Variants in COMMD7 observed in about 807,000 individuals in gnomAD.
COMMD7 encodes COMM domain-containing protein 7.
COMMD7 carries 28 observed loss-of-function variants against 34.8 expected under a neutral mutation model. That is an observed-to-expected ratio of 0.80 (90% CI 0.60 to 1.10). The LOEUF is 1.10. Ranked by LOEUF, COMMD7 falls within the 50% of genes least tolerant of loss-of-function variation. The probability of loss-of-function intolerance (pLI) is 0.00; values close to 1 mark genes in which losing one functional copy is unlikely to be tolerated. For synonymous variants in COMMD7, 80 were observed against 86.4 expected (o/e 0.93, Z 0.41); for missense variants, 211 against 241.6 (o/e 0.87, Z 0.84).
chr20:32,725,529 C>T lies in COMMD7; in HGVS notation c.241+2364G>A, dbSNP rs557967943. Reference sequence around the variant, plus strand: ...CTGCAAACTCCGCCTCCCGGGATCACGCCATTCTCCTGCCTCAGCCTCCTG... The same window carrying T: ...CTGCAAACTCCGCCTCCCGGGATCATGCCATTCTCCTGCCTCAGCCTCCTG... On this transcript the variant is annotated intron_variant, in intron 3 of 8. Transcript: ENST00000278980. Among the ~76,000 whole-genome samples, 4 of 150,718 alleles carry T rather than the reference C, an allele frequency of 2.7e-5. No individual in the cohort carries two copies. In the East Asian group the frequency reaches 5.9e-4, roughly 22 times the overall value.
chr20:32,711,733 T>G (rs986300855), intron 3 of COMMD7, among the ~76,000 whole-genome samples: 2 of 150,940 alleles, frequency 1.3e-5, no homozygotes, highest in African/African-American at 4.9e-5. Context: ...CTTTTTCCTG[T>G]GGTGATTCCT....
intron 3 of COMMD7, among the ~76,000 whole-genome samples, chr20:32,713,578 T>G (rs1455535207): frequency 6.6e-6 from 1 of 152,196 alleles, no homozygotes; most frequent in East Asian, 1.9e-4. Flanking sequence ...GAGAGCTGCT[T>G]TCATCCAGTC....
At chr20:32,707,621 A>T (rs1355762585) in intron 3 of COMMD7, among the ~76,000 whole-genome samples, 1 of 151,646 alleles carries the variant, frequency 6.6e-6, no homozygotes, top group Non-Finnish European at 1.5e-5. Flanking sequence ...CATGCCTGGC[A>T]CATATTTTTT....
chr20:32,711,415 T>TAA (rs76264991), intron 3 of COMMD7, among the ~76,000 whole-genome samples: 1 of 123,992 alleles, frequency 8.1e-6, no homozygotes. Flanking sequence ...AAATGTTACT[T>TAA]AAAAAAAAAA....
chr20:32,717,460 G>C (rs993793154), intron 3 of COMMD7, among the ~76,000 whole-genome samples: 2 of 151,940 alleles, frequency 1.3e-5, no homozygotes, highest in African/African-American at 4.8e-5. Flanking sequence ...CAAGTAGCTG[G>C]GATTACAGGC....
rs762939645 is a variant in COMMD7, at chr20:32,704,509, AAAG to A, written c.428-23_428-21del. On this transcript the variant is annotated intron_variant, in intron 6 of 8. Coordinates refer to ENST00000278980, the MANE Select transcript of COMMD7 (RefSeq NM_053041.3). ...ATGTCACTGTGACAAAAAAAAAAAAAAAGAGAGAGAGAGAGAGAAATAACAAGT... is the reference window on the plus strand; with the variant it reads ...ATGTCACTGTGACAAAAAAAAAAAAAAGAGAGAGAGAGAGAAATAACAAGT... 119 of 1,464,108 alleles carry A rather than the reference AAAG, an allele frequency of 8.1e-5. No homozygotes were observed. The highest frequency in any genetic ancestry group is 6.7e-4 in the African/African-American group (47 of 70,214). The allele number at this position is 1,464,108 out of a possible 1,614,324, so 90.7% of individuals were successfully genotyped here. A position where few individuals can be genotyped will look rare whatever the true frequency, so the allele number is the denominator to read the frequency against.
chr20:32,735,506 A>G (rs565419487), intron 1 of COMMD7, among the ~76,000 whole-genome samples: 1 of 152,052 alleles, frequency 6.6e-6, no homozygotes, highest in African/African-American at 2.4e-5. Flanking sequence ...TAGTGGAGAC[A>G]GGGTTTCACC....
Position 32,704,842 on chromosome 20 carries a change from C to T in COMMD7, c.399G>A (p.Gln133=). The T allele has an allele frequency of 6.2e-7, 1 of 1,613,988 alleles. No homozygotes were observed. The part of the protein sequence containing the change: ...WAIGQTLMIN[Q]LIDMEWKFGV... ...CAAATTTCCACTCCATATCTATGAG[C>T]TGGTTAATCATCAGAGTCTGACCTA... Residue 133 remains glutamine (Q), a synonymous_variant, in exon 6 of 9, where the codon CAG becomes CAA. Transcript: ENST00000278980.
chr20:32,743,238 C>CCCCCCCCCCCCCCG, intron 1 of COMMD7, 70 bp downstream of exon 1: 1 of 446,626 alleles, frequency 2.2e-6, no homozygotes. Flanking sequence ...CCCCGGACGT[C>CCCCCCCCCCCCCCG]CCCCCCACCC....
chr20:32,718,591 T>G (rs1984956398), intron 3 of COMMD7, among the ~76,000 whole-genome samples: 2 of 151,730 alleles, frequency 1.3e-5, no homozygotes, highest in Non-Finnish European at 2.9e-5. Context: ...CCCAGCTACT[T>G]GGGAGGCTGA....
intron 1 of COMMD7, among the ~76,000 whole-genome samples, chr20:32,739,451 C>A (rs59879609): frequency 0.18 from 27,490 of 151,720 alleles, 3,152 homozygotes; most frequent in Non-Finnish European, 0.26. Context: ...AAAGACCATC[C>A]TCACTAAAGC....
chr20:32,728,091 C>G lies in COMMD7; in HGVS notation c.136G>C (p.Glu46Gln). 1 of 1,614,084 alleles carries G rather than the reference C, an allele frequency of 6.2e-7. No individual in the cohort carries two copies. The change falls in exon 2 of 9, where the codon GAG becomes CAG. Residue 46 changes from glutamate to glutamine, a missense_variant and splice_region_variant. Physicochemically the swap from Glu to Gln is conservative, Grantham distance 29. Transcript: ENST00000278980. ...VLFHFLTEPK[E>Q]VERFLAQLSE... ...CTAACACAGAATGTTTTATTTACCT[C>G]TTTTGGCTCAGTTAGGAAGTGGAAA...
chr20:32,739,337 C>A (rs11698914), intron 1 of COMMD7, among the ~76,000 whole-genome samples: 1 of 151,920 alleles, frequency 6.6e-6, no homozygotes, highest in Non-Finnish European at 1.5e-5. Flanking sequence ...AAAGTGATTG[C>A]AAGGACTCAA....
intron 8 of COMMD7, 81 bp from the exon 9 acceptor site, chr20:32,703,539 A>G: frequency 6.7e-7 from 1 of 1,486,210 alleles, no homozygotes; most frequent in Non-Finnish European, 9.0e-7. Context: ...CACCCGGAGG[A>G]TTTTTTTTTT....
At chr20:32,738,071 A>C (rs149865523) in intron 1 of COMMD7, among the ~76,000 whole-genome samples, 42 of 152,314 alleles carry the variant, frequency 2.8e-4, no homozygotes, top group African/African-American at 1.0e-3. Context: ...ATAGGCTTTG[A>C]AGCCAAACAC....
chr20:32,704,673 G>T, intron 6 of COMMD7, 141 bp downstream of exon 6: 1 of 789,752 alleles, frequency 1.3e-6, no homozygotes, highest in Non-Finnish European at 2.1e-6. Flanking sequence ...GCTACTGAAT[G>T]TGGACAGAAT....
chr20:32,706,944 A>T (rs1340737681), intron 3 of COMMD7, among the ~76,000 whole-genome samples, 184 bp from the exon 4 acceptor site: 2 of 152,034 alleles, frequency 1.3e-5, no homozygotes, highest in Admixed American at 6.6e-5. Context: ...CAAGAAAGAC[A>T]GTACATTTTA....
chr20:32,720,697 T>C (rs944075061), intron 3 of COMMD7, among the ~76,000 whole-genome samples: 1 of 152,092 alleles, frequency 6.6e-6, no homozygotes, highest in Non-Finnish European at 1.5e-5. Context: ...TCCCAGCTAC[T>C]CAGGAGGCTG....
At position 32,728,162 on chromosome 20, in the gene COMMD7, G is replaced by A; in HGVS notation, c.85-20C>T. The A allele has an allele frequency of 6.2e-7, 1 of 1,613,146 alleles. No homozygotes were observed. The highest frequency in any genetic ancestry group is 8.5e-7 in the Non-Finnish European group (1 of 1,179,282). On this transcript the variant is annotated intron_variant, in intron 1 of 8. Transcript: ENST00000278980. Reference sequence around the variant, plus strand: ...GAACTGCTGTGAAGAAAACAACACAGAACATCAGTACAATTTCTACTACTG... The same window carrying A: ...GAACTGCTGTGAAGAAAACAACACAAAACATCAGTACAATTTCTACTACTG...
Sources: allele counts gnomAD v4.1 joint callset (sites outside exome capture counted in the v4.1 genomes callset), GRCh38; gene constraint gnomAD v4.1.1; transcripts MANE v1.5; gene names NCBI Gene and HGNC (gene_info 2026-07-23, HGNC 2026-07-21).